SNAPC4: variants seen among roughly 807,000 people sequenced by gnomAD.
The protein encoded by SNAPC4 is small nuclear RNA activating complex polypeptide 4, also known as snRNA-activating protein complex subunit 4.
Under a neutral mutation model 151.3 loss-of-function variants are expected in SNAPC4, and 127 were observed. That is an observed-to-expected ratio of 0.84 (90% confidence interval 0.73 to 0.97). The LOEUF (loss-of-function observed/expected upper bound fraction) is 0.97. SNAPC4 is among the 50% of genes least tolerant of loss of function. The pLI is 0.00. For missense variants in SNAPC4, 2,186 were observed against 1,935.0 expected, an observed-to-expected ratio of 1.13 and a Z score of -2.43; for synonymous variants, 1,002 against 824.4, an observed-to-expected ratio of 1.22 and a Z score of -3.69.
intron 22 of SNAPC4, 59 bp from the exon 23 acceptor site, chr9:136,376,540 G>A: frequency 6.3e-7 from 1 of 1,598,732 alleles, no homozygotes; most frequent in Non-Finnish European, 8.6e-7. Context: ...TGATGGACGG[G>A]GAAGGGACGG....
intron 22 of SNAPC4, 54 bp from the exon 23 acceptor site, chr9:136,376,535 G>A: frequency 6.2e-7 from 1 of 1,601,926 alleles, no homozygotes; most frequent in Admixed American, 1.7e-5. Flanking sequence ...AGCCATGATG[G>A]ACGGGGAAGG....
chr9:136,397,112 G>T, intron 2 of SNAPC4, 89 bp from the exon 3 acceptor site: 1 of 1,135,778 alleles, frequency 8.8e-7, no homozygotes, highest in South Asian at 1.2e-5. Flanking sequence ...GGGCAGACCT[G>T]GGGTTGTGAG....
Position 136,378,279 on chromosome 9 carries a change from T to G in SNAPC4, c.3548A>C (p.Glu1183Ala). Residue 1183 changes from glutamate to alanine, a missense_variant, in exon 22 of 24, where the codon GAG becomes GCG. By Grantham distance (107) the Glu-to-Ala change is moderately radical. Coordinates refer to ENST00000684778, the MANE Select transcript of SNAPC4 (RefSeq NM_003086.4). ...GGAGGACGTCCTGGGCTCAGGTATC[T>G]CCCTGGCCACCTGGGCCTCTCCAGG... The part of the protein sequence containing the change: ...FVPGEAQVAR[E>A]IPEPRTSSHA... 2 of 1,605,938 alleles carry G rather than the reference T, an allele frequency of 1.2e-6. No individual in the cohort carries two copies. Among genetic ancestry groups the G allele is most frequent in the Non-Finnish European group, 1.7e-6 (2 of 1,176,946 alleles).
chr9:136,399,531 AG>A (rs762377435), intron 1 of SNAPC4, among the ~76,000 whole-genome samples: 40 of 152,124 alleles, frequency 2.6e-4, no homozygotes, highest in Non-Finnish European at 4.7e-4. Context: ...AATGATCAGC[AG>A]GAAGGAGGTC....
intron 1 of SNAPC4, among the ~76,000 whole-genome samples, chr9:136,399,649 C>T (rs1215765668): frequency 1.3e-5 from 2 of 152,182 alleles, no homozygotes; most frequent in African/African-American, 2.4e-5. Flanking sequence ...GCGCAGCAGG[C>T]GGTCCCTCCA....
Position 136,383,869 on chromosome 9 carries a change from C to T in SNAPC4, c.1500+84G>A. 7.7e-7 allele frequency: 1 copy of T among 1,291,932 alleles called. No individual in the cohort carries two copies. Among genetic ancestry groups the T allele is most frequent in the Non-Finnish European group, 1.1e-6 (1 of 896,556 alleles). 80.0% of individuals were successfully genotyped at this position (1,291,932 alleles called of 1,614,324 possible). A position where few individuals can be genotyped will look rare whatever the true frequency, so the allele number is the denominator to read the frequency against. ...AAGACCAGAAACCGAACGCCCCCCT[C>T]CCCTCCCCTCCTCCTGCCTGCTGGA... On this transcript the variant is annotated intron_variant, in intron 15 of 23. Transcript: ENST00000684778. This position sits in a 1 kb window ranked among gnomAD's most constrained non-coding sequence, Gnocchi z 4.2.
intron 1 of SNAPC4, among the ~76,000 whole-genome samples, chr9:136,399,107 G>T (rs1294043711): frequency 2.0e-5 from 3 of 152,224 alleles, no homozygotes; most frequent in Non-Finnish European, 2.9e-5. Flanking sequence ...GGAGAAGGAC[G>T]CTAGAGAGAG....
chr9:136,399,793 C>T (rs1354682140), intron 1 of SNAPC4, among the ~76,000 whole-genome samples: 1 of 152,214 alleles, frequency 6.6e-6, no homozygotes, highest in Non-Finnish European at 1.5e-5. Flanking sequence ...CTGCTCGCTG[C>T]GTGAACTGGG....
In SNAPC4 at chr9:136,381,748, C is replaced by T. The variant is rs369089265; in HGVS notation, c.2317+76G>A. 5.5e-4 allele frequency: 837 copies of T among 1,521,426 alleles called. 1 individual carries two copies. In the African/African-American group the frequency reaches 9.5e-3, roughly 17 times the overall value. 94.2% of individuals were successfully genotyped at this position (1,521,426 alleles called of 1,614,324 possible). ...TGAGGCCACTTCCCCAAGTAGCCAC[C>T]GTCTGCTAGGCTGGATGTACTCTTC... On this transcript the variant is annotated intron_variant, in intron 18 of 23. Transcript: ENST00000684778.
At chr9:136,391,685 C>T (rs1286385960) in intron 10 of SNAPC4, among the ~76,000 whole-genome samples, 2 of 152,242 alleles carry the variant, frequency 1.3e-5, no homozygotes, top group African/African-American at 4.8e-5. Flanking sequence ...AGGAGACAAA[C>T]TCCGGTAAAC....
intron 13 of SNAPC4, among the ~76,000 whole-genome samples, chr9:136,386,174 C>T (rs1302777075): frequency 4.0e-5 from 6 of 150,924 alleles, no homozygotes; most frequent in African/African-American, 1.5e-4. Flanking sequence ...TAACAGCCAT[C>T]CCAACGCGTG....
chr9:136,382,384 C>T, intron 16 of SNAPC4, 48 bp from the exon 17 acceptor site: 1 of 1,514,776 alleles, frequency 6.6e-7, no homozygotes, highest in Non-Finnish European at 9.1e-7. Context: ...GTACGGGACA[C>T]ATGGGGGCCC....
Position 136,378,609 on chromosome 9 carries a change from G to T in SNAPC4, c.3218C>A (p.Pro1073His). 6.3e-7 allele frequency: 1 copy of T among 1,574,806 alleles called. No homozygotes were observed. The highest frequency in any genetic ancestry group is 1.8e-4 in the Middle Eastern group (1 of 5,642). The change falls in exon 22 of 24, where the codon CCC becomes CAC. Residue 1073 changes from proline (P) to histidine (H), a missense_variant. By Grantham distance (77) the Pro-to-His change is moderately conservative (BLOSUM62 -2). Coordinates refer to ENST00000684778, the MANE Select transcript of SNAPC4 (RefSeq NM_003086.4). Reference sequence around the variant, plus strand: ...TGTGAGCACCCAGGTGACAGGCAGGGGGACACTGGTCGCCACATGTGGCCC... The same window carrying T: ...TGTGAGCACCCAGGTGACAGGCAGGTGGACACTGGTCGCCACATGTGGCCC... ...IGGPHVATSV[P>H]LPVTWVLTAQ...
At chr9:136,392,954 C>T (rs1038752764) in intron 7 of SNAPC4, among the ~76,000 whole-genome samples, 177 bp from the exon 8 acceptor site, 1 of 152,234 alleles carries the variant, frequency 6.6e-6, no homozygotes, top group Non-Finnish European at 1.5e-5. Context: ...CTCCAGGCTG[C>T]CACCGGGGTG....
intron 1 of SNAPC4, among the ~76,000 whole-genome samples, chr9:136,399,585 C>G (rs1425351769): frequency 1.3e-5 from 2 of 152,210 alleles, no homozygotes; most frequent in Non-Finnish European, 2.9e-5. Context: ...GGCTGTCCCT[C>G]TCCCCGCACC....
intron 4 of SNAPC4, 49 bp downstream of exon 4, chr9:136,395,554 C>A: frequency 6.4e-7 from 1 of 1,571,874 alleles, no homozygotes; most frequent in Non-Finnish European, 8.7e-7. Context: ...CTGTGGGGGG[C>A]TCTGGGGGTG....
intron 7 of SNAPC4, among the ~76,000 whole-genome samples, chr9:136,393,526 G>A (rs1188848375): frequency 6.6e-6 from 1 of 152,216 alleles, no homozygotes; most frequent in African/African-American, 2.4e-5. Context: ...GCTGTGCTGT[G>A]CCTTCTTTGG....
rs1452387609 is a variant in SNAPC4, at chr9:136,394,420, G to A, written c.551-90C>T. The A allele has an allele frequency of 8.2e-6, 10 of 1,226,624 alleles. No homozygotes were observed. In the East Asian group the frequency reaches 1.9e-4, roughly 23 times the overall value. 76.0% of individuals were successfully genotyped at this position (1,226,624 alleles called of 1,614,324 possible). ...TTGGTGTGCACTTCCCGAGGCAGTG[G>A]TGGGGGGCCCCACAGCGAGTAAGCA... On this transcript the variant is annotated intron_variant, in intron 6 of 23. Transcript: ENST00000684778.
At position 136,378,128 on chromosome 9, in the gene SNAPC4, C is replaced by T. The variant is rs763792038; in HGVS notation, c.3699G>A (p.Gly1233=). The T allele has an allele frequency of 1.9e-6, 3 of 1,604,536 alleles. No individual in the cohort carries two copies. The highest frequency in any genetic ancestry group is 2.5e-6 in the Non-Finnish European group (3 of 1,176,828). ...GSPSGTQEPR[G]PLGLEKLPLR... The stretch of plus-strand genomic sequence containing the variant: ...GGGGCAGCTTCTCCAGGCCCAGAGG[C>T]CCCCTGGGCTCCTGTGTCCCTGAGG... Residue 1233 remains glycine (G), a synonymous_variant, in exon 22 of 24, where the codon GGG becomes GGA. Coordinates refer to ENST00000684778, the MANE Select transcript of SNAPC4 (RefSeq NM_003086.4).
Sources: gnomAD v4.1 joint callset for allele counts (sites outside exome capture counted in the v4.1 genomes callset) on GRCh38, gnomAD v4.1.1 for gene constraint, Gnocchi (gnomAD v3.1) non-coding constraint, MANE v1.5 for transcripts, NCBI Gene and HGNC (gene_info 2026-07-23, HGNC 2026-07-21) for gene names.